EPC2: variants seen among roughly 807,000 people sequenced by gnomAD.
EPC2 encodes enhancer of polycomb homolog 2.
In EPC2, 14 loss-of-function variants were observed where a neutral mutation model predicts 92.1. The observed-to-expected ratio is 0.15, with a 90% CI of 0.10 to 0.24. The LOEUF is 0.24. Among genes scored for constraint, EPC2 ranks in the 10% least tolerant of loss-of-function variants. The pLI, the probability that EPC2 is intolerant of heterozygous loss-of-function variation, is 1.00. For missense variants in EPC2, 755 were observed against 971.5 expected (o/e 0.78, Z 2.96); for synonymous variants, 340 against 334.7 (o/e 1.02, Z -0.17).
At chr2:148,688,377 A>T (rs1681572300) in intron 1 of EPC2, among the ~76,000 whole-genome samples, 1 of 152,000 alleles carries the variant, frequency 6.6e-6, no homozygotes, top group African/African-American at 2.4e-5. Flanking sequence ...ACATGGACAC[A>T]GGAAGGGGAA....
At chr2:148,769,316 T>C (rs539876601) in intron 8 of EPC2, 76 bp downstream of exon 8, 1 of 1,035,522 alleles carries the variant, frequency 9.7e-7, no homozygotes, top group Admixed American at 2.0e-5. Flanking sequence ...TGACTTAGTC[T>C]TGATCTAAAA....
intron 2 of EPC2, among the ~76,000 whole-genome samples, chr2:148,742,389 T>G (rs1001032625): frequency 2.1e-4 from 32 of 152,210 alleles, no homozygotes; most frequent in African/African-American, 7.5e-4. Context: ...TGAAACCTAT[T>G]GTCTTATTAT....
chr2:148,762,550 G>A, intron 5 of EPC2, 120 bp from the exon 6 acceptor site: 3 of 698,642 alleles, frequency 4.3e-6, no homozygotes, highest in Non-Finnish European at 6.6e-6. Context: ...TCTTTTAAAA[G>A]TAATTTGATT....
chr2:148,737,674 A>G (rs1002060069), intron 2 of EPC2, among the ~76,000 whole-genome samples: 2 of 152,282 alleles, frequency 1.3e-5, no homozygotes, highest in African/African-American at 2.4e-5. Context: ...GCTACACTGA[A>G]TGAGGGAAAG....
chr2:148,671,572 C>G (rs1408766280), intron 1 of EPC2, among the ~76,000 whole-genome samples: 1 of 152,104 alleles, frequency 6.6e-6, no homozygotes, highest in Non-Finnish European at 1.5e-5. Context: ...TGAGATTGTG[C>G]CACTGCATTC....
intron 2 of EPC2, among the ~76,000 whole-genome samples, chr2:148,712,660 C>CTGGAAGAT (rs111920235): frequency 0.033 from 5,072 of 152,128 alleles, 281 homozygotes; most frequent in African/African-American, 0.12. Context: ...GAGGCTGAGG[C>CTGGAAGAT]TGGAAGATTG....
intron 1 of EPC2, among the ~76,000 whole-genome samples, chr2:148,669,214 C>T (rs558116437): frequency 6.6e-6 from 1 of 152,258 alleles, no homozygotes; most frequent in East Asian, 1.9e-4. Context: ...TGTCATCTTA[C>T]TAGTAGTTTC....
Position 148,786,583 on chromosome 2 carries a change from A to G in EPC2, c.*206A>G, listed in dbSNP as rs1184977105. ...TGTAAAATAGTTTATTTGTATCATC[A>G]ATATTATTTCTGTTACTTGAATAGT... On this transcript the variant is annotated 3_prime_UTR_variant, in exon 14 of 14. Coordinates refer to ENST00000258484, the MANE Select transcript of EPC2 (RefSeq NM_015630.4). 2 of 434,754 alleles carry G rather than the reference A, an allele frequency of 4.6e-6. No individual in the cohort carries two copies. Among genetic ancestry groups the G allele is most frequent in the African/African-American group, 2.0e-5 (1 of 49,374 alleles). The allele number at this position is 434,754 out of a possible 1,614,324, so 26.9% of individuals were successfully genotyped here. A position where few individuals can be genotyped will look rare whatever the true frequency, so the allele number is the denominator to read the frequency against.
intron 1 of EPC2, among the ~76,000 whole-genome samples, chr2:148,649,501 G>C (rs1310693742): frequency 1.3e-5 from 2 of 152,182 alleles, no homozygotes. Flanking sequence ...CATCCTTGTT[G>C]TATGAGTCTG....
chr2:148,687,181 TCAAC>T (rs2105369787), intron 1 of EPC2, among the ~76,000 whole-genome samples: 1 of 152,356 alleles, frequency 6.6e-6, no homozygotes, highest in African/African-American at 2.4e-5. Flanking sequence ...ATTTTTGCCT[TCAAC>T]CTCATGAGCC....
intron 2 of EPC2, among the ~76,000 whole-genome samples, chr2:148,730,862 A>C (rs149021144): frequency 1.3e-5 from 2 of 152,238 alleles, no homozygotes; most frequent in Admixed American, 6.5e-5. Flanking sequence ...CTTGTAAACT[A>C]TTCAACCCTG....
intron 2 of EPC2, among the ~76,000 whole-genome samples, chr2:148,729,252 A>C (rs1682570471): frequency 6.6e-6 from 1 of 152,094 alleles, no homozygotes; most frequent in Non-Finnish European, 1.5e-5. Context: ...CTGTCAAAAG[A>C]CTGCTTTTAG....
At chr2:148,717,595 C>T (rs1682285322) in intron 2 of EPC2, among the ~76,000 whole-genome samples, 1 of 152,110 alleles carries the variant, frequency 6.6e-6, no homozygotes, top group African/African-American at 2.4e-5. Flanking sequence ...TTTGGTTGTG[C>T]TGTGGTCTGA....
chr2:148,676,768 C>T (rs184355511), intron 1 of EPC2, among the ~76,000 whole-genome samples: 1,492 of 116,990 alleles, frequency 0.013, 28 homozygotes, highest in East Asian at 0.11. Context: ...TGTTTATTGA[C>T]ATTTAGGTGC....
intron 2 of EPC2, among the ~76,000 whole-genome samples, chr2:148,741,406 T>C (rs1261748673): frequency 6.6e-6 from 1 of 152,156 alleles, no homozygotes. Context: ...AGCAATGAAC[T>C]GAAGTCTAGA....
At chr2:148,698,694 C>T (rs1014202417) in intron 2 of EPC2, among the ~76,000 whole-genome samples, 67 of 88,178 alleles carry the variant, frequency 7.6e-4, no homozygotes, top group South Asian at 3.1e-3. Flanking sequence ...AGAAAGTAAG[C>T]TTTTTTTTTT....
intron 1 of EPC2, among the ~76,000 whole-genome samples, chr2:148,663,141 G>A (rs2105356079): frequency 6.6e-6 from 1 of 150,802 alleles, no homozygotes; most frequent in East Asian, 1.9e-4. Context: ...GAATGGTAGA[G>A]TAGACAGTTG....
intron 1 of EPC2, among the ~76,000 whole-genome samples, chr2:148,690,013 A>G (rs909588663): frequency 6.6e-6 from 1 of 152,204 alleles, no homozygotes; most frequent in Non-Finnish European, 1.5e-5. Context: ...AAAAATTGTA[A>G]TAATCTAAGG....
intron 1 of EPC2, among the ~76,000 whole-genome samples, chr2:148,656,001 C>CTG (rs1553537658): frequency 2.2e-4 from 13 of 59,950 alleles, no homozygotes; most frequent in African/African-American, 5.8e-4. Context: ...CTGCTGTTAG[C>CTG]TGTGTGTGTG....
Sources: gnomAD v4.1 joint callset for allele counts (sites outside exome capture counted in the v4.1 genomes callset) on GRCh38, gnomAD v4.1.1 for gene constraint, MANE v1.5 for transcripts, NCBI Gene and HGNC (gene_info 2026-07-23, HGNC 2026-07-21) for gene names.